The following ZNF846 variants were observed in gnomAD, a reference collection of about 807,000 sequenced individuals.
ZNF846 encodes the protein zinc finger protein 420 pseudogene.
Under a neutral mutation model 16.0 loss-of-function variants are expected in ZNF846, and 15 were observed. The observed-to-expected ratio is 0.94, with a 90% confidence interval of 0.63 to 1.45. ZNF846 has a LOEUF of 1.45. Ranked by LOEUF, ZNF846 falls within the 40% of genes most tolerant of loss-of-function variation. ZNF846 has a pLI of 0.00. For missense variants in ZNF846, 714 were observed against 622.3 expected (o/e 1.15, Z -1.57); for synonymous variants, 229 against 212.0 (o/e 1.08, Z -0.70).
chr19:9,782,564 G>C (rs1280665526), intron 1 of ZNF846, among the ~76,000 whole-genome samples: 1 of 152,152 alleles, frequency 6.6e-6, no homozygotes, highest in Non-Finnish European at 1.5e-5. Flanking sequence ...TGCCCAGCCA[G>C]CTTTCTCTAT....
exon 1 of ZNF846, chr19:9,768,388 T>C (rs1329951846): frequency 6.6e-6 from 1 of 152,114 alleles, no homozygotes; most frequent in Non-Finnish European, 1.5e-5. Context: ...GACACAAAGG[T>C]TGACTGGCTG....
intron 1 of ZNF846, among the ~76,000 whole-genome samples, chr19:9,775,321 ACT>A (rs915914755): frequency 5.6e-4 from 85 of 152,074 alleles, no homozygotes; most frequent in African/African-American, 2.0e-3. Flanking sequence ...ACCCAAGAAA[ACT>A]CTGAAAAACA....
chr19:9,751,167 C>T (rs2045080687), downstream of ZNF846, among the ~76,000 whole-genome samples: 1 of 152,090 alleles, frequency 6.6e-6, no homozygotes, highest in African/African-American at 2.4e-5. Flanking sequence ...AAACTGCATC[C>T]AGGCTATCAC....
downstream of ZNF846, among the ~76,000 whole-genome samples, chr19:9,752,673 T>C (rs1328190975): frequency 6.6e-6 from 1 of 151,916 alleles, no homozygotes; most frequent in Non-Finnish European, 1.5e-5. Flanking sequence ...CTTTTTTTTT[T>C]TTCTATTCTC....
chr19:9,761,588 G>A (rs952158979), intron 4 of ZNF846, among the ~76,000 whole-genome samples: 1 of 151,904 alleles, frequency 6.6e-6, no homozygotes, highest in Admixed American at 6.6e-5. Flanking sequence ...TCAGGTGCCT[G>A]TAATCTTAGC....
At chr19:9,783,218 C>CTTTTT (rs74183307) in intron 1 of ZNF846, among the ~76,000 whole-genome samples, 11 of 65,404 alleles carry the variant, frequency 1.7e-4, no homozygotes, top group Non-Finnish European at 2.9e-4. Context: ...CCCTATAATT[C>CTTTTT]TTTTTTTTTT....
chr19:9,783,959 T>C (rs533922728), intron 1 of ZNF846, among the ~76,000 whole-genome samples: 1 of 152,284 alleles, frequency 6.6e-6, no homozygotes, highest in African/African-American at 2.4e-5. Flanking sequence ...CGCTTCGGCC[T>C]CCCAAAGTGT....
rs1438379886 is a variant in ZNF846, at chr19:9,758,774, T to C, written c.313-10A>G. 1.3e-6 allele frequency: 2 copies of C among 1,529,212 alleles called. No homozygotes were observed. Among genetic ancestry groups the C allele is most frequent in the Admixed American group, 2.2e-5 (1 of 44,958 alleles). 94.7% of individuals were successfully genotyped at this position (1,529,212 alleles called of 1,614,324 possible). On this transcript the variant is annotated splice_polypyrimidine_tract_variant and intron_variant, in intron 5 of 5. Coordinates refer to ENST00000397902, the Ensembl canonical transcript of ZNF846. ...CAGTATTGCTTCTCTCCTGTTGAGA[T>C]ATAAAAGATGAATAAAGAATTTCTC...
At chr19:9,759,718 G>C in intron 5 of ZNF846, 142 bp downstream of exon 5, 1 of 589,410 alleles carries the variant, frequency 1.7e-6, no homozygotes. Context: ...AGTAAGTTTA[G>C]AGTGCTTCCC....
At chr19:9,755,110 C>T (rs2045120744), downstream of ZNF846, among the ~76,000 whole-genome samples, 1 of 151,474 alleles carries the variant, frequency 6.6e-6, no homozygotes, top group Non-Finnish European at 1.5e-5. Context: ...GTGATCCACA[C>T]ACCTCAGCCT....
At chr19:9,751,732 G>GA (rs2045085371), downstream of ZNF846, among the ~76,000 whole-genome samples, 1 of 151,968 alleles carries the variant, frequency 6.6e-6, no homozygotes, top group Non-Finnish European at 1.5e-5. Flanking sequence ...CCGCCCTTGT[G>GA]AATGTACTTT....
chr19:9,775,410 A>G (rs1249869860), intron 1 of ZNF846, among the ~76,000 whole-genome samples: 1 of 152,194 alleles, frequency 6.6e-6, no homozygotes, highest in Non-Finnish European at 1.5e-5. Context: ...GAACAGGAAC[A>G]GGAAACAGAC....
At chr19:9,778,790 C>T (rs2045472410) in intron 1 of ZNF846, among the ~76,000 whole-genome samples, 1 of 118,472 alleles carries the variant, frequency 8.4e-6, no homozygotes, top group Non-Finnish European at 1.7e-5. Flanking sequence ...GCAACAAGAG[C>T]GAAAACTCGT....
At chr19:9,776,204 C>T (rs895089815) in intron 1 of ZNF846, among the ~76,000 whole-genome samples, 1 of 152,228 alleles carries the variant, frequency 6.6e-6, no homozygotes, top group East Asian at 1.9e-4. Context: ...GTCTCCTTTT[C>T]CCCGGGGGGG....
intron 1 of ZNF846, among the ~76,000 whole-genome samples, chr19:9,784,944 G>A (rs1362453450): frequency 6.6e-6 from 1 of 152,154 alleles, no homozygotes; most frequent in African/African-American, 2.4e-5. Flanking sequence ...CAAAGCAGAA[G>A]AATTTTTCTA....
intron 1 of ZNF846, among the ~76,000 whole-genome samples, chr19:9,785,709 A>C (rs1423126469): frequency 7.2e-5 from 1 of 13,934 alleles, no homozygotes; most frequent in Admixed American, 1.1e-3. Context: ...TCTCTCCCTC[A>C]CCCAGACCCC....
rs1285466171 is a variant in ZNF846 at position 9,783,427 on chromosome 19, G to A, written c.-86+2511C>T. ...GTATTTTTAGTAGAGACAGGGTTTC[G>A]CCATGTTGGCCAGGAGTTCAAGGCT... is the stretch of plus-strand genomic sequence containing the variant. On this transcript the variant is annotated intron_variant, in intron 1 of 4. Coordinates refer to the ZNF846 transcript ENST00000586814. 6.0e-4 allele frequency among the ~76,000 whole-genome samples: 88 copies of A among 146,530 alleles called. 1 individual carries two copies. The highest frequency in any genetic ancestry group is 2.1e-3 in the African/African-American group (86 of 40,262).
upstream of ZNF846, among the ~76,000 whole-genome samples, chr19:9,769,827 A>T (rs981347045): frequency 7.0e-4 from 107 of 151,980 alleles, no homozygotes; most frequent in Middle Eastern, 3.4e-3. Flanking sequence ...AATATTTTTT[A>T]AAAAATAGCC....
At chr19:9,754,096 G>T (rs549603477), downstream of ZNF846, among the ~76,000 whole-genome samples, 1 of 151,566 alleles carries the variant, frequency 6.6e-6, no homozygotes, top group South Asian at 2.1e-4. Flanking sequence ...TCTTCTTGAT[G>T]AATTTTACCT....
Sources: allele counts gnomAD v4.1 joint callset (sites outside exome capture counted in the v4.1 genomes callset), GRCh38; gene constraint gnomAD v4.1.1; transcripts MANE v1.5; gene names NCBI Gene and HGNC (gene_info 2026-07-23, HGNC 2026-07-21).